Variants in F5 observed in about 807,000 individuals in gnomAD.
F5 encodes the protein activated protein c cofactor.
Under a neutral mutation model 216.4 loss-of-function variants are expected in F5, and 138 were observed. The observed-to-expected ratio is 0.64, with a 90% CI of 0.56 to 0.73. The LOEUF is 0.73. F5 is among the 30% of genes least tolerant of loss of function. F5 has a pLI of 0.00. For synonymous variants in F5, 916 were observed against 930.7 expected (o/e 0.98, Z 0.29); for missense variants, 2,403 against 2,674.0 (o/e 0.90, Z 2.24).
intron 2 of F5, 60 bp downstream of exon 2, chr1:169,582,371 A>T: frequency 1.1e-6 from 1 of 937,322 alleles, no homozygotes; most frequent in Non-Finnish European, 1.6e-6. Flanking sequence ...GATGCATGTG[A>T]ATGCCAAATT....
rs759407866 is a variant in F5, at chr1:169,546,618, G to C, written c.1612-26C>G. On this transcript the variant is annotated intron_variant, in intron 10 of 24. Coordinates refer to ENST00000367797, the MANE Select transcript of F5 (RefSeq NM_000130.5). ...CTGGAGGACAAAACAGTATAGTACT[G>C]GTACAAGAACAGACGCATAGACCAA... The C allele has an allele frequency of 3.1e-6, 5 of 1,608,970 alleles. No homozygotes were observed. In the South Asian group the frequency reaches 5.5e-5, roughly 18 times the overall value.
In F5 at chr1:169,555,254, C is replaced by T. The variant is rs1660287324; in HGVS notation, c.1046G>A (p.Arg349Lys). ...CTCTGCAGCAATGAAGTATTCCCAC[C>T]TCTTCATGTGCCGCCTCTGCTCACG... ...ITREQRRHMK[R>K]WEYFIAAEEV... The change falls in exon 7 of 25, where the codon AGG becomes AAG. Residue 349 changes from arginine (R) to lysine (K), a missense_variant. Arg to Lys is a conservative substitution (Grantham distance 26). Transcript: ENST00000367797. 1 of 1,613,988 alleles carries T rather than the reference C, an allele frequency of 6.2e-7. No homozygotes were observed. The highest frequency in any genetic ancestry group is 1.1e-5 in the South Asian group (1 of 91,082).
chr1:169,580,737 T>G (rs867050791), intron 2 of F5, among the ~76,000 whole-genome samples: 5 of 152,102 alleles, frequency 3.3e-5, no homozygotes, highest in Non-Finnish European at 7.4e-5. Flanking sequence ...TAAATAAATA[T>G]ATAAATGAAC....
intron 24 of F5, 29 bp from the exon 25 acceptor site, chr1:169,514,488 A>G: frequency 6.2e-7 from 1 of 1,603,338 alleles, no homozygotes; most frequent in African/African-American, 1.3e-5. Flanking sequence ...AAAATCTTTA[A>G]TGACAACATA....
At chr1:169,574,672 G>T (rs1207972369) in intron 2 of F5, among the ~76,000 whole-genome samples, 2 of 152,158 alleles carry the variant, frequency 1.3e-5, no homozygotes, top group Admixed American at 1.3e-4. Flanking sequence ...TTTTAAGGTA[G>T]ATATTAAGAT....
At chr1:169,571,096 C>A (rs2213870) in intron 3 of F5, among the ~76,000 whole-genome samples, 37,256 of 151,994 alleles carry the variant, frequency 0.25, 5,370 homozygotes, top group South Asian at 0.36. Context: ...TTAAAATGTT[C>A]TCATACCAAC....
At chr1:169,519,159 G>A (rs1488232898) in intron 22 of F5, among the ~76,000 whole-genome samples, 3 of 152,082 alleles carry the variant, frequency 2.0e-5, no homozygotes, top group African/African-American at 7.2e-5. Flanking sequence ...GAACCTGGCT[G>A]ACCACCCATC....
At chr1:169,580,233 C>A (rs1660957797) in intron 2 of F5, among the ~76,000 whole-genome samples, 1 of 152,124 alleles carries the variant, frequency 6.6e-6, no homozygotes, top group Non-Finnish European at 1.5e-5. Context: ...CATCATAGTT[C>A]TTCCTTATTA....
In F5 at chr1:169,518,546, C is replaced by T; in HGVS notation, c.6211G>A (p.Gly2071Ser). The change falls in exon 23 of 25, where the codon GGT (glycine) becomes AGT (serine). Residue 2071 changes from glycine to serine, a missense_variant. Gly to Ser is a moderately conservative substitution (Grantham distance 56). Transcript: ENST00000367797. ...TTTTCTATCTTTCCATTTTCCATAC[C>T]CAGGGGTGTGGAACATCCTATCAAA... is the stretch of plus-strand genomic sequence containing the variant. Reference protein sequence around the residue: ...CEVNGCSTPLGMENGKIENKQ... With the variant: ...CEVNGCSTPLSMENGKIENKQ... 1 of 1,613,636 alleles carries T rather than the reference C, an allele frequency of 6.2e-7. No individual in the cohort carries two copies. Among genetic ancestry groups the T allele is most frequent in the Non-Finnish European group, 8.5e-7 (1 of 1,179,784 alleles).
intron 11 of F5, 114 bp downstream of exon 11, chr1:169,546,328 A>G (rs1660001627): frequency 7.1e-6 from 9 of 1,265,318 alleles, no homozygotes; most frequent in Non-Finnish European, 9.0e-6. Flanking sequence ...GGAAGTGAGG[A>G]TTGGAGGTGC....
At chr1:169,549,247 C>A (rs1031624491) in intron 10 of F5, among the ~76,000 whole-genome samples, 1 of 152,134 alleles carries the variant, frequency 6.6e-6, no homozygotes, top group East Asian at 1.9e-4. Context: ...AATTCAGTAT[C>A]TTTGTTCACA....
chr1:169,570,677 A>G (rs1431222037), intron 3 of F5, among the ~76,000 whole-genome samples: 2 of 151,518 alleles, frequency 1.3e-5, no homozygotes, highest in Non-Finnish European at 2.9e-5. Context: ...AACAGTTTAT[A>G]TAGAAAACAA....
intron 5 of F5, 56 bp downstream of exon 5, chr1:169,559,097 C>T: frequency 6.2e-7 from 1 of 1,606,612 alleles, no homozygotes; most frequent in Non-Finnish European, 8.5e-7. Context: ...GAAAACAGGA[C>T]CGAAAAATTA....
In F5 at chr1:169,540,277, G is replaced by A. The variant is rs1659802555; in HGVS notation, c.4796+17C>T. ...TAATGGAAAAATGAGAATAAAAAAGGAGAAAACTGGCCAAACCTTTGTACA... is the reference window on the plus strand; with the variant it reads ...TAATGGAAAAATGAGAATAAAAAAGAAGAAAACTGGCCAAACCTTTGTACA... On this transcript the variant is annotated intron_variant, in intron 13 of 24. Coordinates refer to ENST00000367797, the MANE Select transcript of F5 (RefSeq NM_000130.5). 7 of 1,612,982 alleles carry A rather than the reference G, an allele frequency of 4.3e-6. No homozygotes were observed. Among genetic ancestry groups the A allele is most frequent in the South Asian group, 3.3e-5 (3 of 90,978 alleles).
chr1:169,529,875 G>T, intron 15 of F5, 57 bp from the exon 16 acceptor site: 1 of 1,406,236 alleles, frequency 7.1e-7, no homozygotes, highest in Non-Finnish European at 1.0e-6. Context: ...TTGCTCTTCT[G>T]ATAATCACTC....
chr1:169,586,090 A>AAG (rs1661096275), intron 1 of F5, 139 bp downstream of exon 1: 3 of 919,910 alleles, frequency 3.3e-6, no homozygotes, highest in Non-Finnish European at 4.9e-6. Context: ...TATTTAATTC[A>AAG]GTATACTCTC....
chr1:169,586,213 T>C lies in F5; in HGVS notation c.158+16A>G. The C allele has an allele frequency of 6.2e-7, 1 of 1,613,802 alleles. No homozygotes were observed. Among genetic ancestry groups the C allele is most frequent in the East Asian group, 2.2e-5 (1 of 44,858 alleles). ...CCTCTCTAGAGAAGCCCACCCGGACTCCACACCTGAGTTACCTTGAGTTTG... is the reference window on the plus strand; with the variant it reads ...CCTCTCTAGAGAAGCCCACCCGGACCCCACACCTGAGTTACCTTGAGTTTG... On this transcript the variant is annotated intron_variant, in intron 1 of 24. Coordinates refer to ENST00000367797, the MANE Select transcript of F5 (RefSeq NM_000130.5).
At chr1:169,583,848 A>C (rs1571606761) in intron 1 of F5, among the ~76,000 whole-genome samples, 2 of 152,244 alleles carry the variant, frequency 1.3e-5, no homozygotes, top group East Asian at 3.8e-4. Flanking sequence ...TAGATAGAGA[A>C]GGTAGTGGAT....
Position 169,511,985 on chromosome 1 carries a change from C to T in F5, c.*2328G>A, listed in dbSNP as rs6427196. On this transcript the variant is annotated 3_prime_UTR_variant, in exon 25 of 25. Transcript: ENST00000367797. ...GGGTATCTTTTTTATTTCAAAATAACAGGGGTTTTAATATTTCTACACAGC... is the reference window on the plus strand; with the variant it reads ...GGGTATCTTTTTTATTTCAAAATAATAGGGGTTTTAATATTTCTACACAGC... Among the ~76,000 whole-genome samples, 44 of 152,072 alleles carry T rather than the reference C, an allele frequency of 2.9e-4. No individual in the cohort carries two copies. Among genetic ancestry groups the T allele is most frequent in the African/African-American group, 4.1e-4 (17 of 41,506 alleles).
Sources: gnomAD v4.1 joint callset for allele counts (sites outside exome capture counted in the v4.1 genomes callset) on GRCh38, gnomAD v4.1.1 for gene constraint, MANE v1.5 for transcripts, NCBI Gene and HGNC (gene_info 2026-07-23, HGNC 2026-07-21) for gene names.